Variants in SCAMP1 observed in about 807,000 individuals in gnomAD.
The protein encoded by SCAMP1 is secretory carrier membrane protein 1, also known as secretory carrier-associated membrane protein 1.
Under a neutral mutation model 41.8 loss-of-function variants are expected in SCAMP1, and 15 were observed. The observed-to-expected ratio is 0.36, with a 90% CI of 0.24 to 0.55. The LOEUF (loss-of-function observed/expected upper bound fraction) is 0.55. Among genes scored for constraint, SCAMP1 ranks in the 20% least tolerant of loss-of-function variants. The probability of loss-of-function intolerance (pLI) is 0.86; values close to 1 mark genes in which losing one functional copy is unlikely to be tolerated. For missense variants in SCAMP1, 341 were observed against 412.6 expected, an observed-to-expected ratio of 0.83 and a Z score of 1.50; for synonymous variants, 135 against 136.8, an observed-to-expected ratio of 0.99 and a Z score of 0.09.
intron 1 of SCAMP1, among the ~76,000 whole-genome samples, chr5:78,362,962 A>G (rs917830449): frequency 1.4e-5 from 2 of 142,306 alleles, no homozygotes; most frequent in African/African-American, 5.3e-5. Flanking sequence ...GCGTGATCTC[A>G]ACTCACCACA....
chr5:78,441,896 A>G (rs1752933045), intron 6 of SCAMP1, among the ~76,000 whole-genome samples: 1 of 152,194 alleles, frequency 6.6e-6, no homozygotes, highest in Non-Finnish European at 1.5e-5. Context: ...TTGGGAGGCC[A>G]AGAGGAGAGG....
intron 2 of SCAMP1, among the ~76,000 whole-genome samples, chr5:78,395,996 A>T (rs889601116): frequency 6.6e-6 from 1 of 152,164 alleles, no homozygotes; most frequent in African/African-American, 2.4e-5. Flanking sequence ...TTTAGAGTCT[A>T]CCTGCCACAC....
intron 1 of SCAMP1, among the ~76,000 whole-genome samples, chr5:78,369,083 G>T (rs1352194286): frequency 1.3e-5 from 2 of 151,668 alleles, no homozygotes; most frequent in Non-Finnish European, 2.9e-5. Context: ...GGAACAACTG[G>T]TTGGTGGAAT....
rs148043985 is a variant in SCAMP1, at chr5:78,460,302, C to G, written c.852+940C>G. ...GTGATTGCTGGGTTGAATGGAAGGT[C>G]TATTTTTACTTCTTTGAGAAATCTC... On this transcript the variant is annotated intron_variant, in intron 8 of 8. Coordinates refer to ENST00000621999, the MANE Select transcript of SCAMP1 (RefSeq NM_004866.6). 3.9e-5 allele frequency among the ~76,000 whole-genome samples: 6 copies of G among 152,246 alleles called. No individual in the cohort carries two copies. In the East Asian group the frequency reaches 1.2e-3, roughly 29 times the overall value.
At position 78,427,634 on chromosome 5, in the gene SCAMP1, G is replaced by A. The variant is rs143105807; in HGVS notation, c.632+5674G>A. On this transcript the variant is annotated intron_variant, in intron 6 of 8. Coordinates refer to ENST00000621999, the MANE Select transcript of SCAMP1 (RefSeq NM_004866.6). The stretch of plus-strand genomic sequence containing the variant: ...ACTGCCAAACTGTTTTCTAAAGTGG[G>A]TGTACCATTTCACATTCCCATCAGC... Among the ~76,000 whole-genome samples the A allele has an allele frequency of 6.9e-3, 1,045 of 152,120 alleles. 5 individuals carry two copies. Among genetic ancestry groups the A allele is most frequent in the South Asian group, 0.026 (124 of 4,814 alleles).
At chr5:78,430,837 G>T (rs1752602943) in intron 6 of SCAMP1, among the ~76,000 whole-genome samples, 1 of 151,950 alleles carries the variant, frequency 6.6e-6, no homozygotes, top group South Asian at 2.1e-4. Context: ...ACTGACTTTG[G>T]AATATTTAGT....
chr5:78,414,729 A>G (rs1752167084), intron 2 of SCAMP1, among the ~76,000 whole-genome samples: 1 of 152,166 alleles, frequency 6.6e-6, no homozygotes, highest in African/African-American at 2.4e-5. Flanking sequence ...CAGCTTTCAG[A>G]CACTACTGAT....
intron 8 of SCAMP1, among the ~76,000 whole-genome samples, chr5:78,460,785 CT>C (rs1753573085): frequency 2.8e-4 from 12 of 43,474 alleles, no homozygotes; most frequent in Admixed American, 1.2e-3. Flanking sequence ...TCCTTCCTTC[CT>C]TCCTTCCTTC....
At chr5:78,390,964 T>G (rs1302514312) in intron 2 of SCAMP1, among the ~76,000 whole-genome samples, 3 of 149,906 alleles carry the variant, frequency 2.0e-5, no homozygotes, top group African/African-American at 7.3e-5. Flanking sequence ...AGCACAGGGT[T>G]GGGGGTAAGG....
intron 7 of SCAMP1, among the ~76,000 whole-genome samples, 174 bp downstream of exon 7, chr5:78,450,208 G>A (rs1442530335): frequency 6.6e-6 from 1 of 152,040 alleles, no homozygotes; most frequent in African/African-American, 2.4e-5. Context: ...GGACAAACCT[G>A]TGTCTTTGAA....
Position 78,430,222 on chromosome 5 carries a change from T to G in SCAMP1, c.632+8262T>G, listed in dbSNP as rs569251994. Among the ~76,000 whole-genome samples, 47 of 107,862 alleles carry G rather than the reference T, an allele frequency of 4.4e-4. 6 individuals carry two copies. Among genetic ancestry groups the G allele is most frequent in the East Asian group, 2.7e-3 (10 of 3,698 alleles). 70.8% of individuals were successfully genotyped at this position (107,862 alleles called of 152,430 possible). On this transcript the variant is annotated intron_variant, in intron 6 of 8. Transcript: ENST00000621999. Reference sequence around the variant, plus strand: ...CAGTATTTATTTATAAATACAGTATTTATTTATAAATACAGTATTTATTTA... The same window carrying G: ...CAGTATTTATTTATAAATACAGTATGTATTTATAAATACAGTATTTATTTA...
chr5:78,428,148 C>G (rs1159609182), intron 6 of SCAMP1, among the ~76,000 whole-genome samples: 1 of 152,030 alleles, frequency 6.6e-6, no homozygotes, highest in Non-Finnish European at 1.5e-5. Flanking sequence ...ATATTTTCTC[C>G]TAGAAGTTTG....
At chr5:78,463,502 A>G (rs1400686771) in intron 8 of SCAMP1, among the ~76,000 whole-genome samples, 2 of 152,188 alleles carry the variant, frequency 1.3e-5, no homozygotes, top group African/African-American at 4.8e-5. Context: ...TCAATTGGTC[A>G]TTTTCATCTC....
At chr5:78,431,559 T>C (rs1415644103) in intron 6 of SCAMP1, among the ~76,000 whole-genome samples, 1 of 148,756 alleles carries the variant, frequency 6.7e-6, no homozygotes, top group Non-Finnish European at 1.5e-5. Flanking sequence ...TTGGATCAGT[T>C]GAGTATCTGT....
chr5:78,411,479 T>C (rs1752075434), intron 2 of SCAMP1, among the ~76,000 whole-genome samples: 1 of 152,196 alleles, frequency 6.6e-6, no homozygotes, highest in Admixed American at 6.5e-5. Context: ...AAATAATCCC[T>C]ATTAACATTT....
chr5:78,430,411 C>T (rs537390429), intron 6 of SCAMP1, among the ~76,000 whole-genome samples: 6 of 146,492 alleles, frequency 4.1e-5, no homozygotes, highest in African/African-American at 7.7e-5. Flanking sequence ...CACACATACA[C>T]ACTCCTTCCT....
At chr5:78,404,957 C>T (rs1419875113) in intron 2 of SCAMP1, among the ~76,000 whole-genome samples, 1 of 152,168 alleles carries the variant, frequency 6.6e-6, no homozygotes, top group Non-Finnish European at 1.5e-5. Flanking sequence ...GCTGAGCCTC[C>T]AACAATTTCT....
chr5:78,423,601 T>G (rs1752394070), intron 6 of SCAMP1, among the ~76,000 whole-genome samples: 1 of 152,174 alleles, frequency 6.6e-6, no homozygotes. Flanking sequence ...TTAAACCTTC[T>G]GTTACTTATG....
At position 78,444,434 on chromosome 5, in the gene SCAMP1, T is replaced by C. The variant is rs1174791631; in HGVS notation, c.633-5499T>C. Among the ~76,000 whole-genome samples, 5 of 152,284 alleles carry C rather than the reference T, an allele frequency of 3.3e-5. No individual in the cohort carries two copies. In the East Asian group the frequency reaches 9.6e-4, roughly 29 times the overall value. ...CCCTTTATAAAACCATGCAGTCTTG[T>C]GAGACTTACTCACTTTCATGAGAAC... On this transcript the variant is annotated intron_variant, in intron 6 of 8. Coordinates refer to ENST00000621999, the MANE Select transcript of SCAMP1 (RefSeq NM_004866.6).
Sources: allele counts gnomAD v4.1 joint callset (sites outside exome capture counted in the v4.1 genomes callset), GRCh38; gene constraint gnomAD v4.1.1; transcripts MANE v1.5; gene names NCBI Gene and HGNC (gene_info 2026-07-23, HGNC 2026-07-21).